IRF2: variants seen among roughly 807,000 people sequenced by gnomAD.
The protein encoded by IRF2 is interferon regulatory factor 2.
A neutral mutation model predicts 40.6 loss-of-function variants in IRF2; 15 were observed. The observed-to-expected ratio is 0.37, with a 90% CI of 0.25 to 0.57. The LOEUF (loss-of-function observed/expected upper bound fraction) is 0.57. Ranked by LOEUF, IRF2 falls within the 20% of genes least tolerant of loss-of-function variation. The pLI, the probability that IRF2 is intolerant of heterozygous loss-of-function variation, is 0.77. For missense variants in IRF2, 317 were observed against 455.7 expected (o/e 0.70, Z 2.77); for synonymous variants, 151 against 165.5 (o/e 0.91, Z 0.67).
At chr4:184,399,206 T>G in intron 6 of IRF2, 127 bp from the exon 7 acceptor site, 1 of 965,778 alleles carries the variant, frequency 1.0e-6, no homozygotes, top group Non-Finnish European at 1.5e-6. Context: ...TCCCCTGCCA[T>G]GGGGCTGAAG....
intron 2 of IRF2, among the ~76,000 whole-genome samples, chr4:184,421,073 T>C (rs1035587819): frequency 6.6e-6 from 1 of 152,200 alleles, no homozygotes; most frequent in Non-Finnish European, 1.5e-5. Context: ...TTGCTAGGTA[T>C]GCGGATCCCT....
chr4:184,394,923 T>C (rs1327756586), intron 7 of IRF2, among the ~76,000 whole-genome samples: 1 of 152,216 alleles, frequency 6.6e-6, no homozygotes, highest in Non-Finnish European at 1.5e-5. Context: ...TTTTATGTTG[T>C]CTTAAAACAT....
At position 184,388,878 on chromosome 4, in the gene IRF2, G is replaced by A; in HGVS notation, c.930C>T (p.Asp310=). ...GGGTCATGGAGGAAGAAAGGGGGAGGTCTTGAAAAGGGGGCCAGGAGCTGT... is the reference window on the plus strand; with the variant it reads ...GGGTCATGGAGGAAGAAAGGGGGAGATCTTGAAAAGGGGGCCAGGAGCTGT... ...PYNSSWPPFQ[D]LPLSSSMTPA... is the part of the protein sequence containing the mutation. Residue 310 remains aspartate (D), a synonymous_variant, in exon 9 of 9, where the codon GAC becomes GAT. Transcript: ENST00000393593. This position sits in a 1 kb window ranked among gnomAD's most constrained non-coding sequence, Gnocchi z 4.6. 4 of 1,614,050 alleles carry A rather than the reference G, an allele frequency of 2.5e-6. No homozygotes were observed. The highest frequency in any genetic ancestry group is 3.4e-6 in the Non-Finnish European group (4 of 1,180,016).
chr4:184,444,667 A>ATTTGACTACAAATACAAATAGAGTAT (rs1738437736), intron 1 of IRF2, among the ~76,000 whole-genome samples: 1 of 152,244 alleles, frequency 6.6e-6, no homozygotes, highest in South Asian at 2.1e-4. Context: ...ATAATAGAGT[A>ATTTGACTACAAATACAAATAGAGTAT]TTGGGACTAC....
chr4:184,418,783 T>C, intron 3 of IRF2, 75 bp from the exon 4 acceptor site: 1 of 1,289,104 alleles, frequency 7.8e-7, no homozygotes, highest in Non-Finnish European at 1.1e-6. Context: ...GGAAACACAG[T>C]ATTGCTGGTC....
intron 6 of IRF2, among the ~76,000 whole-genome samples, chr4:184,400,836 G>A (rs907370419): frequency 6.6e-6 from 1 of 152,134 alleles, no homozygotes; most frequent in Non-Finnish European, 1.5e-5. Flanking sequence ...GAATGAAACT[G>A]ACCTCATACC....
At chr4:184,424,037 G>A (rs1737576051) in intron 2 of IRF2, among the ~76,000 whole-genome samples, 1 of 149,012 alleles carries the variant, frequency 6.7e-6, no homozygotes, top group African/African-American at 2.5e-5. Flanking sequence ...TCAGGGAGCT[G>A]CTTTAATATA....
At chr4:184,419,218 T>G (rs1737392132) in intron 3 of IRF2, among the ~76,000 whole-genome samples, 1 of 152,162 alleles carries the variant, frequency 6.6e-6, no homozygotes, top group Admixed American at 6.5e-5. Context: ...TATTCCCCGG[T>G]AACACCTAGG....
intron 6 of IRF2, among the ~76,000 whole-genome samples, chr4:184,402,398 C>T (rs529422981): frequency 6.6e-6 from 1 of 152,152 alleles, no homozygotes; most frequent in Non-Finnish European, 1.5e-5. Context: ...CACTCACTGT[C>T]CCCGTCACTC....
At position 184,388,433 on chromosome 4, in the gene IRF2, G is replaced by A. The variant is rs749252921; in HGVS notation, c.*325C>T. 6.5e-6 allele frequency: 2 copies of A among 309,132 alleles called. No individual in the cohort carries two copies. Among genetic ancestry groups the A allele is most frequent in the African/African-American group, 2.2e-5 (1 of 45,046 alleles). The allele number at this position is 309,132 out of a possible 1,614,324, so 19.1% of individuals were successfully genotyped here. ...AATTCCAGCTAGTTCACATTATCTC[G>A]TCCGTTCTGAGGCATCCACTCCACC... On this transcript the variant is annotated 3_prime_UTR_variant, in exon 9 of 9. Transcript: ENST00000393593. The surrounding 1 kb of genome is among the most constrained non-coding windows in gnomAD (Gnocchi z 4.6).
In IRF2 at chr4:184,401,613, CCT is replaced by C. The variant is rs553083134; in HGVS notation, c.530-2536_530-2535del. Among the ~76,000 whole-genome samples, 350 of 152,302 alleles carry C rather than the reference CCT, an allele frequency of 2.3e-3. 2 individuals carry two copies. Among genetic ancestry groups the C allele is most frequent in the Non-Finnish European group, 3.9e-3 (264 of 68,024 alleles). On this transcript the variant is annotated intron_variant, in intron 6 of 8. Transcript: ENST00000393593. ...ACAGACTGACGCTGACCTACACCAA[CCT>C]CTCTCTAGTTTCCTCTGCCTCTTCC...
intron 1 of IRF2, among the ~76,000 whole-genome samples, chr4:184,467,670 T>C (rs536186345): frequency 6.6e-6 from 1 of 152,380 alleles, no homozygotes; most frequent in Non-Finnish European, 1.5e-5. Context: ...GAGTACTTCT[T>C]TGGATCTTCC....
chr4:184,446,722 G>A (rs1738522834), intron 1 of IRF2, among the ~76,000 whole-genome samples: 2 of 152,038 alleles, frequency 1.3e-5, no homozygotes, highest in Non-Finnish European at 2.9e-5. Flanking sequence ...ATGCATAGGA[G>A]GCGGACGGAT....
At chr4:184,392,654 G>A (rs138038232) in intron 7 of IRF2, among the ~76,000 whole-genome samples, 2 of 152,218 alleles carry the variant, frequency 1.3e-5, no homozygotes, top group African/African-American at 4.8e-5. Context: ...CTTCCACTGA[G>A]AGCATTAGCC....
intron 1 of IRF2, among the ~76,000 whole-genome samples, chr4:184,442,558 A>G (rs793793): frequency 0.96 from 146,339 of 152,192 alleles, 70,654 homozygotes; most frequent in East Asian, 1. Context: ...CCCATAGAAG[A>G]CAAACGCGCC....
At chr4:184,467,013 C>T (rs555962328) in intron 1 of IRF2, among the ~76,000 whole-genome samples, 11 of 152,292 alleles carry the variant, frequency 7.2e-5, no homozygotes, top group East Asian at 5.8e-4. Context: ...GATGCAGCAA[C>T]ATCACTGTAC....
At chr4:184,468,926 T>C (rs549130786) in intron 1 of IRF2, among the ~76,000 whole-genome samples, 2 of 152,260 alleles carry the variant, frequency 1.3e-5, no homozygotes, top group East Asian at 3.9e-4. Flanking sequence ...AGCCACATTT[T>C]ACAGTGAAAA....
chr4:184,390,529 C>A (rs901468912), intron 8 of IRF2, among the ~76,000 whole-genome samples, 174 bp downstream of exon 8: 1 of 152,132 alleles, frequency 6.6e-6, no homozygotes, highest in African/African-American at 2.4e-5. Flanking sequence ...ATTTTATAAC[C>A]CCAAACCCAA....
At chr4:184,433,567 T>C (rs1259657083) in intron 1 of IRF2, among the ~76,000 whole-genome samples, 1 of 152,198 alleles carries the variant, frequency 6.6e-6, no homozygotes, top group Non-Finnish European at 1.5e-5. Context: ...AGGTAACTTT[T>C]AGAAAAAGCA....
Sources: allele counts gnomAD v4.1 joint callset (sites outside exome capture counted in the v4.1 genomes callset), GRCh38; gene constraint gnomAD v4.1.1; non-coding constraint Gnocchi (gnomAD v3.1); transcripts MANE v1.5; gene names NCBI Gene and HGNC (gene_info 2026-07-23, HGNC 2026-07-21).